PIK3C3: variants seen among roughly 807,000 people sequenced by gnomAD.
The protein encoded by PIK3C3 is PI3-kinase type 3.
In PIK3C3, 95 loss-of-function variants were observed where a neutral mutation model predicts 126.1. The observed-to-expected ratio is 0.75, with a 90% CI of 0.64 to 0.89. The LOEUF is 0.89. Ranked by LOEUF, PIK3C3 falls within the 40% of genes least tolerant of loss-of-function variation. PIK3C3 has a pLI of 0.00. For missense variants in PIK3C3, 829 were observed against 1,063.2 expected (o/e 0.78, Z 3.06); for synonymous variants, 374 against 360.0 (o/e 1.04, Z -0.44).
At chr18:42,020,469 T>G (rs796122944) in intron 12 of PIK3C3, among the ~76,000 whole-genome samples, 169 bp from the exon 13 acceptor site, 11 of 152,316 alleles carry the variant, frequency 7.2e-5, no homozygotes, top group African/African-American at 2.4e-4. Context: ...GCATATTTTC[T>G]GATTTAAAAT....
chr18:41,993,566 C>T (rs1981883817), intron 7 of PIK3C3, among the ~76,000 whole-genome samples: 1 of 151,694 alleles, frequency 6.6e-6, no homozygotes, highest in Non-Finnish European at 1.5e-5. Context: ...TGGGCATCCA[C>T]TTTGTTTGAA....
At position 42,084,996 on chromosome 18, in the gene PIK3C3, T is replaced by C. The variant is rs762002197; in HGVS notation, c.*3859T>C. ...AACAGAAGATAAATTTGAGGCTCTG[T>C]TACGCTGGTCATCCAACCCAACCAG... On this transcript the variant is annotated 3_prime_UTR_variant, in exon 25 of 25. Transcript: ENST00000262039. 2 of 152,268 alleles carry C rather than the reference T, an allele frequency of 1.3e-5. No individual in the cohort carries two copies. Among genetic ancestry groups the C allele is most frequent in the Non-Finnish European group, 2.9e-5 (2 of 68,058 alleles). 9.4% of individuals were successfully genotyped at this position (152,268 alleles called of 1,614,324 possible). A position where few individuals can be genotyped will look rare whatever the true frequency, so the allele number is the denominator to read the frequency against.
chr18:42,060,734 A>G (rs1173689863), intron 22 of PIK3C3, among the ~76,000 whole-genome samples: 1 of 152,144 alleles, frequency 6.6e-6, no homozygotes, highest in Non-Finnish European at 1.5e-5. Context: ...CCAAAATCAC[A>G]CCACTGAACT....
In PIK3C3 at chr18:42,027,525, A is replaced by G; in HGVS notation, c.1567A>G (p.Arg523Gly). ...THEMYLNVMR[R>G]FSQALLKGDK... is the part of the protein sequence containing the mutation. Reference sequence around the variant, plus strand: ...TGAGATGTACTTGAACGTAATGAGAAGATTCAGCCAAGCATTGTTGAAGGT... The same window carrying G: ...TGAGATGTACTTGAACGTAATGAGAGGATTCAGCCAAGCATTGTTGAAGGT... The change falls in exon 14 of 25, where the codon AGA becomes GGA. Residue 523 changes from arginine (R) to glycine (G), a missense_variant. By Grantham distance (125) the Arg-to-Gly change is moderately radical. This residue lies in a region of PIK3C3 where 256 missense variants were observed against 291.0 expected (regional missense o/e 0.88). Coordinates refer to ENST00000262039, the MANE Select transcript of PIK3C3 (RefSeq NM_002647.4). The G allele has an allele frequency of 6.2e-7, 1 of 1,610,454 alleles. No homozygotes were observed. The highest frequency in any genetic ancestry group is 8.5e-7 in the Non-Finnish European group (1 of 1,177,112).
intron 15 of PIK3C3, among the ~76,000 whole-genome samples, chr18:42,033,611 C>T (rs1469188381): frequency 6.6e-6 from 1 of 152,192 alleles, no homozygotes; most frequent in East Asian, 1.9e-4. Context: ...CCAACTTTCA[C>T]AGTCAAGCGA....
At position 42,066,547 on chromosome 18, in the gene PIK3C3, G is replaced by A. The variant is rs544710197; in HGVS notation, c.2524-841G>A. Among the ~76,000 whole-genome samples, 811 of 152,258 alleles carry A rather than the reference G, an allele frequency of 5.3e-3. 7 individuals are homozygous for A. Among genetic ancestry groups the A allele is most frequent in the Middle Eastern group, 0.044 (13 of 294 alleles). On this transcript the variant is annotated intron_variant, in intron 23 of 24. Transcript: ENST00000262039. The stretch of plus-strand genomic sequence containing the variant: ...GTGCCAGTTAAGGGTTCTTGAGCCG[G>A]CTTCGTGAATTCTCTGTGCCTCAAT...
Position 42,005,333 on chromosome 18 carries a change from G to C in PIK3C3, c.1170+792G>C, listed in dbSNP as rs551244776. 2.4e-4 allele frequency among the ~76,000 whole-genome samples: 37 copies of C among 152,300 alleles called. No homozygotes were observed. In the South Asian group the frequency reaches 2.5e-3, roughly 10 times the overall value. On this transcript the variant is annotated intron_variant, in intron 10 of 24. Transcript: ENST00000262039. ...CTAAGTATTTGTGTATCTAAACATA[G>C]AAAAGGTACAGTAAAAACAGAGTAT...
chr18:41,957,853 T>C, intron 2 of PIK3C3, 95 bp downstream of exon 2: 1 of 887,218 alleles, frequency 1.1e-6, no homozygotes, highest in Non-Finnish European at 1.7e-6. Flanking sequence ...TAGAGGAATT[T>C]CTTAATACCT....
chr18:41,975,123 T>C (rs1980851014), intron 4 of PIK3C3, among the ~76,000 whole-genome samples: 2 of 152,182 alleles, frequency 1.3e-5, no homozygotes, highest in Admixed American at 1.3e-4. Context: ...GTGGTGGTGT[T>C]TCAGGCTGAA....
At chr18:42,064,664 T>C (rs1985459771) in intron 22 of PIK3C3, 76 bp from the exon 23 acceptor site, 2 of 725,012 alleles carry the variant, frequency 2.8e-6, no homozygotes, top group Admixed American at 2.2e-5. Context: ...CCACTACTTC[T>C]AAAGTATTCT....
At chr18:41,983,856 G>A (rs953015400) in intron 4 of PIK3C3, among the ~76,000 whole-genome samples, 5 of 151,938 alleles carry the variant, frequency 3.3e-5, no homozygotes, top group East Asian at 1.9e-4. Flanking sequence ...AGTTTCCCAG[G>A]CATGTTGTTA....
rs1244290580 is a variant in PIK3C3 at position 42,082,664 on chromosome 18, C to T, written c.*1527C>T. 1 of 152,088 alleles carries T rather than the reference C, an allele frequency of 6.6e-6. No individual in the cohort carries two copies. Among genetic ancestry groups the T allele is most frequent in the Non-Finnish European group, 1.5e-5 (1 of 68,018 alleles). 9.4% of individuals were successfully genotyped at this position (152,088 alleles called of 1,614,324 possible). On this transcript the variant is annotated 3_prime_UTR_variant, in exon 25 of 25. Coordinates refer to ENST00000262039, the MANE Select transcript of PIK3C3 (RefSeq NM_002647.4). ...CTCCAAAACTTTTCTCTGAATTACC[C>T]TTGTTGAAACTGACCTTTCTTCCGT... is the stretch of plus-strand genomic sequence containing the variant.
At chr18:42,074,421 A>G (rs8092954) in intron 24 of PIK3C3, among the ~76,000 whole-genome samples, 25,128 of 152,068 alleles carry the variant, frequency 0.17, 2,303 homozygotes, top group East Asian at 0.26. Flanking sequence ...GATAAGTAGA[A>G]AATAAACTAT....
chr18:41,998,110 C>T (rs938049758), intron 9 of PIK3C3, among the ~76,000 whole-genome samples: 6 of 152,146 alleles, frequency 3.9e-5, no homozygotes, highest in African/African-American at 1.4e-4. Flanking sequence ...CTCATCTTAA[C>T]TCTTCAGCTT....
Position 42,076,197 on chromosome 18 carries a change from C to CACAT in PIK3C3, c.2650-4925_2650-4924insCATA, listed in dbSNP as rs1555643472. Among the ~76,000 whole-genome samples, 22 of 119,320 alleles carry CACAT rather than the reference C, an allele frequency of 1.8e-4. 1 individual carries two copies. Among genetic ancestry groups the CACAT allele is most frequent in the African/African-American group, 5.1e-4 (14 of 27,212 alleles). 78.3% of individuals were successfully genotyped at this position (119,320 alleles called of 152,430 possible). ...ATATATGCACATATATATATGCACACATATATATATGCACATATATATATG... is the reference window on the plus strand; with the variant it reads ...ATATATGCACATATATATATGCACACACATATATATATATGCACATATATATATG... On this transcript the variant is annotated intron_variant, in intron 24 of 24. Coordinates refer to ENST00000262039, the MANE Select transcript of PIK3C3 (RefSeq NM_002647.4).
chr18:41,990,689 T>C (rs1224032163), intron 6 of PIK3C3, 135 bp downstream of exon 6: 2 of 589,104 alleles, frequency 3.4e-6, no homozygotes, highest in African/African-American at 3.7e-5. Flanking sequence ...CAGCTGTTTA[T>C]GTATACAGAA....
chr18:42,006,459 C>T (rs919947850), intron 10 of PIK3C3, among the ~76,000 whole-genome samples: 1 of 152,110 alleles, frequency 6.6e-6, no homozygotes, highest in East Asian at 1.9e-4. Flanking sequence ...TCTCTCTGTT[C>T]CCCAGAGGTT....
rs1409058948 is a variant in PIK3C3, at chr18:41,955,239, G to GT, written c.-48dup. ...GGGGCTCAGCTGGTTCATTTATGTT[G>GT]TTTTTCCTGTACCTAAGTTCCCGCT... On this transcript the variant is annotated 5_prime_UTR_variant, in exon 1 of 25. An upstream open reading frame in the 5' UTR gains an earlier in-frame stop. Transcript: ENST00000262039. 18 of 1,490,080 alleles carry GT rather than the reference G, an allele frequency of 1.2e-5. No individual in the cohort carries two copies. Among genetic ancestry groups the GT allele is most frequent in the African/African-American group, 2.8e-5 (2 of 71,842 alleles). 92.3% of individuals were successfully genotyped at this position (1,490,080 alleles called of 1,614,324 possible). A position where few individuals can be genotyped will look rare whatever the true frequency, so the allele number is the denominator to read the frequency against.
Position 41,995,949 on chromosome 18 carries a change from T to A in PIK3C3, c.846T>A (p.Ser282=), listed in dbSNP as rs1345516955. The A allele has an allele frequency of 1.9e-6, 3 of 1,613,106 alleles. No homozygotes were observed. In the South Asian group the frequency reaches 3.3e-5, roughly 18 times the overall value. ...CCCGGAGTTTAAGAAGTGGACCTTC[T>A]GACCACGATCTGAAACCCAATGCTG... ...KLARSLRSGP[S]DHDLKPNAAT... is the part of the protein sequence containing the mutation. Residue 282 remains serine, a synonymous_variant, in exon 8 of 25, where the codon TCT becomes TCA. Coordinates refer to ENST00000262039, the MANE Select transcript of PIK3C3 (RefSeq NM_002647.4).
Sources: gnomAD v4.1 joint callset for allele counts (sites outside exome capture counted in the v4.1 genomes callset) on GRCh38, gnomAD v4.1.1 for gene constraint, gnomAD v4.1.1 regional missense constraint, MANE v1.5 for transcripts, NCBI Gene and HGNC (gene_info 2026-07-23, HGNC 2026-07-21) for gene names.